MAGI2: variants seen among roughly 807,000 people sequenced by gnomAD.
MAGI2 encodes membrane associated guanylate kinase, WW and PDZ domain containing 2, also known as membrane-associated guanylate kinase, WW and PDZ domain-containing protein 2.
MAGI2 carries 35 observed loss-of-function variants against 133.3 expected under a neutral mutation model. The ratio of observed to expected loss-of-function variants is 0.26; its 90% CI spans 0.20 to 0.35. The LOEUF (loss-of-function observed/expected upper bound fraction) is 0.35, where lower values mean the gene tolerates loss of function less well. MAGI2 is among the 10% of genes least tolerant of loss of function. The pLI, the probability that MAGI2 is intolerant of heterozygous loss-of-function variation, is 1.00. For missense variants in MAGI2, 1,636 were observed against 1,863.4 expected (o/e 0.88, Z 2.25); for synonymous variants, 729 against 710.6 (o/e 1.03, Z -0.41).
chr7:79,190,150 A>G (rs1169540890), intron 1 of MAGI2, among the ~76,000 whole-genome samples: 3 of 151,816 alleles, frequency 2.0e-5, no homozygotes, highest in Non-Finnish European at 4.4e-5. Flanking sequence ...ACCAAGGAGC[A>G]TGGTTGTTGG....
intron 1 of MAGI2, among the ~76,000 whole-genome samples, chr7:79,336,864 G>A (rs1840473967): frequency 6.6e-6 from 1 of 151,994 alleles, no homozygotes; most frequent in Non-Finnish European, 1.5e-5. Context: ...GAAGATGTAG[G>A]TCAAATGATA....
intron 2 of MAGI2, among the ~76,000 whole-genome samples, chr7:78,949,889 C>T (rs749725512): frequency 1.1e-4 from 17 of 152,182 alleles, no homozygotes; most frequent in African/African-American, 2.4e-4. Context: ...TGCTCCCCTT[C>T]GGCTTCTCCT....
intron 2 of MAGI2, among the ~76,000 whole-genome samples, chr7:78,841,074 G>A (rs1792105112): frequency 6.6e-6 from 1 of 151,912 alleles, no homozygotes; most frequent in African/African-American, 2.4e-5. Context: ...TTTGAAAATA[G>A]TTCTCTATGA....
intron 2 of MAGI2, among the ~76,000 whole-genome samples, chr7:78,820,222 T>A (rs1036914630): frequency 6.6e-6 from 1 of 152,022 alleles, no homozygotes; most frequent in African/African-American, 2.4e-5. Context: ...TCATTGGGTA[T>A]AATGGAGCTT....
Position 78,627,124 on chromosome 7 carries a change from A to G in MAGI2, c.534T>C (p.Tyr178=), listed in dbSNP as rs776953997. ...TCTCAGGAACGTTGTGCTTACCTTCATAAGTCCCACTTTCTAGGAGAGCAC... is the reference window on the plus strand; with the variant it reads ...TCTCAGGAACGTTGTGCTTACCTTCGTAAGTCCCACTTTCTAGGAGAGCAC... ...KSGALLESGT[Y]EDNYYGTPKP... Residue 178 remains tyrosine (Y), a synonymous_variant, in exon 3 of 22, where the codon TAT becomes TAC. Coordinates refer to ENST00000354212, the MANE Select transcript of MAGI2 (RefSeq NM_012301.4). The G allele has an allele frequency of 6.9e-6, 11 of 1,583,536 alleles. No individual in the cohort carries two copies. The highest frequency in any genetic ancestry group is 1.4e-5 in the African/African-American group (1 of 73,124).
chr7:79,364,870 C>A (rs115828921), intron 1 of MAGI2, among the ~76,000 whole-genome samples: 8 of 150,306 alleles, frequency 5.3e-5, no homozygotes, highest in Non-Finnish European at 1.2e-4. Context: ...ACAACAGTTG[C>A]AAAATTCATA....
chr7:78,609,766 G>A (rs1401734954), intron 3 of MAGI2, among the ~76,000 whole-genome samples: 2 of 152,112 alleles, frequency 1.3e-5, no homozygotes, highest in Non-Finnish European at 2.9e-5. Context: ...CACCCTAATG[G>A]ATCTCCTGTA....
chr7:78,675,463 C>A (rs961612678), intron 2 of MAGI2, among the ~76,000 whole-genome samples: 3 of 151,734 alleles, frequency 2.0e-5, no homozygotes, highest in African/African-American at 7.3e-5. Flanking sequence ...TATCAAGATG[C>A]GGAATTTAAA....
chr7:78,138,625 T>TCACACGTA (rs1822411223), intron 16 of MAGI2, among the ~76,000 whole-genome samples: 1 of 129,428 alleles, frequency 7.7e-6, no homozygotes, highest in South Asian at 2.5e-4. Context: ...AAACATAGAT[T>TCACACGTA]CACACACACA....
intron 4 of MAGI2, 38 bp from the exon 5 acceptor site, chr7:78,501,825 C>A (rs1202468836): frequency 6.7e-7 from 1 of 1,501,574 alleles, no homozygotes; most frequent in Non-Finnish European, 9.2e-7. Flanking sequence ...GTCACTCCAA[C>A]CATGGTAACT....
intron 2 of MAGI2, among the ~76,000 whole-genome samples, chr7:78,891,105 T>C (rs1021628090): frequency 5.3e-5 from 8 of 152,094 alleles, no homozygotes; most frequent in African/African-American, 1.7e-4. Context: ...AACACCTCTA[T>C]GCAAATAGAC....
intron 1 of MAGI2, among the ~76,000 whole-genome samples, chr7:79,233,089 T>C (rs1831522169): frequency 1.5e-5 from 2 of 131,742 alleles, no homozygotes; most frequent in African/African-American, 3.0e-5. Flanking sequence ...TCAGTTTCCA[T>C]GTAGTTGAGT....
chr7:78,094,089 G>A (rs1420023369), intron 20 of MAGI2, among the ~76,000 whole-genome samples: 1 of 152,012 alleles, frequency 6.6e-6, no homozygotes, highest in Non-Finnish European at 1.5e-5. Flanking sequence ...AACACCACCG[G>A]TACCAAGATA....
intron 10 of MAGI2, among the ~76,000 whole-genome samples, chr7:78,245,855 T>C (rs1265185627): frequency 6.6e-6 from 1 of 152,072 alleles, no homozygotes; most frequent in Non-Finnish European, 1.5e-5. Context: ...TTGCCCCCTG[T>C]GACCCACACG....
intron 2 of MAGI2, among the ~76,000 whole-genome samples, chr7:78,722,518 C>CT (rs1435733432): frequency 6.6e-6 from 1 of 151,954 alleles, no homozygotes; most frequent in Non-Finnish European, 1.5e-5. Flanking sequence ...TATTTTCATT[C>CT]TTATTAGAGT....
chr7:78,520,194 A>G (rs999975312), intron 4 of MAGI2, among the ~76,000 whole-genome samples: 1 of 152,204 alleles, frequency 6.6e-6, no homozygotes, highest in African/African-American at 2.4e-5. Context: ...ATCAAGATGA[A>G]AGCACCTTAG....
chr7:78,768,794 A>C (rs189460107), intron 2 of MAGI2, among the ~76,000 whole-genome samples: 3 of 152,154 alleles, frequency 2.0e-5, no homozygotes, highest in African/African-American at 7.2e-5. Flanking sequence ...ATACTATTGC[A>C]CTATTTTGCA....
At chr7:79,224,295 T>C (rs1376452221) in intron 1 of MAGI2, among the ~76,000 whole-genome samples, 1 of 152,024 alleles carries the variant, frequency 6.6e-6, no homozygotes, top group Non-Finnish European at 1.5e-5. Context: ...GCCTGGAGAA[T>C]ACAATCTGGG....
intron 3 of MAGI2, among the ~76,000 whole-genome samples, chr7:78,612,676 A>T (rs1187725891): frequency 2.0e-5 from 3 of 151,724 alleles, no homozygotes; most frequent in East Asian, 3.9e-4. Context: ...TATTTTTTTT[A>T]ATTTTTTTTT....
Sources: allele counts gnomAD v4.1 joint callset (sites outside exome capture counted in the v4.1 genomes callset), GRCh38; gene constraint gnomAD v4.1.1; transcripts MANE v1.5; gene names NCBI Gene and HGNC (gene_info 2026-07-23, HGNC 2026-07-21).